The following GCC2 variants were observed in gnomAD, a reference collection of about 807,000 sequenced individuals.
The protein encoded by GCC2 is GRIP and coiled-coil domain-containing protein 2.
In GCC2, 120 loss-of-function variants were observed where a neutral mutation model predicts 210.6. The ratio of observed to expected loss-of-function variants is 0.57; its 90% CI spans 0.49 to 0.66. The LOEUF (loss-of-function observed/expected upper bound fraction) is 0.66. GCC2 is among the 30% of genes least tolerant of loss of function. The pLI, the probability that GCC2 is intolerant of heterozygous loss-of-function variation, is 0.00. For missense variants in GCC2, 1,868 were observed against 1,871.9 expected (o/e 1.00, Z 0.04); for synonymous variants, 703 against 652.7 (o/e 1.08, Z -1.17).
Position 108,507,628 on chromosome 2 carries a change from T to C in GCC2, c.5053T>C (p.Ter1685GlnextTer49). 2 of 1,575,028 alleles carry C rather than the reference T, an allele frequency of 1.3e-6. No individual in the cohort carries two copies. Among genetic ancestry groups the C allele is most frequent in the Non-Finnish European group, 8.7e-7 (1 of 1,150,258 alleles). ...TCTTCATAGTTGGTCTGGACTTCGA[T>C]AGGTTGATGGAAGGAATATTTTTAT... ...SYLHSWSGLR[*>Q] The change falls in exon 23 of 23, where the codon TAG becomes CAG. Residue 1685 changes from the stop codon to glutamine (Q), a stop_lost. Transcript: ENST00000309863.
At position 108,483,119 on chromosome 2, in the gene GCC2, A is replaced by C. The variant is rs1315251271; in HGVS notation, c.3403A>C (p.Lys1135Gln). The change falls in exon 12 of 23, where the codon AAG becomes CAG. Residue 1135 changes from lysine to glutamine, a missense_variant. Lys to Gln is a moderately conservative substitution (Grantham distance 53). Transcript: ENST00000309863. ...ACTTCAGGTACAACTTCAAAAGCAAAAGAAACAGCTTCAGAAAACCATGCA... is the reference window on the plus strand; with the variant it reads ...ACTTCAGGTACAACTTCAAAAGCAACAGAAACAGCTTCAGAAAACCATGCA... ...EELQVQLQKQ[K>Q]KQLQKTMQEL... 16 of 1,582,324 alleles carry C rather than the reference A, an allele frequency of 1.0e-5. No individual in the cohort carries two copies. Among genetic ancestry groups the C allele is most frequent in the Non-Finnish European group, 1.4e-5 (16 of 1,151,448 alleles).
At chr2:108,498,591 G>A (rs772969831) in intron 21 of GCC2, among the ~76,000 whole-genome samples, 9 of 152,044 alleles carry the variant, frequency 5.9e-5, no homozygotes, top group East Asian at 1.9e-4. Flanking sequence ...GACAAAGTTC[G>A]CTAACTTTCT....
chr2:108,488,916 T>C (rs1334949156), intron 17 of GCC2, among the ~76,000 whole-genome samples: 1 of 152,206 alleles, frequency 6.6e-6, no homozygotes, highest in Non-Finnish European at 1.5e-5. Flanking sequence ...AAAGGGGAAA[T>C]TAGATACTGA....
intron 21 of GCC2, among the ~76,000 whole-genome samples, chr2:108,498,680 C>G (rs1379040544): frequency 2.6e-5 from 4 of 151,626 alleles, no homozygotes; most frequent in African/African-American, 4.9e-5. Flanking sequence ...ACTTGAACAT[C>G]CTATTACCTT....
Position 108,452,483 on chromosome 2 carries a change from G to C in GCC2, c.216+17G>C. 1 of 1,411,034 alleles carries C rather than the reference G, an allele frequency of 7.1e-7. No individual in the cohort carries two copies. Among genetic ancestry groups the C allele is most frequent in the Non-Finnish European group, 1.0e-6 (1 of 997,642 alleles). 87.4% of individuals were successfully genotyped at this position (1,411,034 alleles called of 1,614,324 possible). On this transcript the variant is annotated intron_variant, in intron 4 of 22. Transcript: ENST00000309863. The stretch of plus-strand genomic sequence containing the variant: ...ATTATTAAGGTAATTATTACGTTGG[G>C]AAATGTCTAAAGAGAAATAAAATTT...
At chr2:108,483,012 CT>C in intron 11 of GCC2, 49 bp from the exon 12 acceptor site, 1 of 962,924 alleles carries the variant, frequency 1.0e-6, no homozygotes, top group Non-Finnish European at 1.7e-6. Context: ...TTAAAAATAC[CT>C]TTTTAATATT....
intron 9 of GCC2, among the ~76,000 whole-genome samples, chr2:108,478,011 A>T (rs1221168520): frequency 6.6e-6 from 1 of 152,144 alleles, no homozygotes; most frequent in Non-Finnish European, 1.5e-5. Context: ...GTACCACTGC[A>T]CCCCTACAAA....
Position 108,458,374 on chromosome 2 carries a change from C to CTTTTTT in GCC2, c.216+5923_216+5928dup, listed in dbSNP as rs70956257. On this transcript the variant is annotated intron_variant, in intron 4 of 22. Transcript: ENST00000309863. ...CATCAGGGATATTGGTTGTTGCTTT[C>CTTTTTT]TTTTTTTTTTTTTTTTTTTTGCTGT... Among the ~76,000 whole-genome samples, 507 of 100,154 alleles carry CTTTTTT rather than the reference C, an allele frequency of 5.1e-3. 3 individuals are homozygous for CTTTTTT. The highest frequency in any genetic ancestry group is 7.6e-3 in the African/African-American group (194 of 25,432). The allele number at this position is 100,154 out of a possible 152,430, so 65.7% of individuals were successfully genotyped here.
At chr2:108,504,053 A>G (rs1683062596) in intron 22 of GCC2, among the ~76,000 whole-genome samples, 1 of 152,212 alleles carries the variant, frequency 6.6e-6, no homozygotes, top group African/African-American at 2.4e-5. Flanking sequence ...GGCTGCAGTC[A>G]AACTTCTGGT....
At chr2:108,461,878 G>A (rs1424099382) in intron 4 of GCC2, among the ~76,000 whole-genome samples, 1 of 127,916 alleles carries the variant, frequency 7.8e-6, no homozygotes, top group Non-Finnish European at 1.6e-5. Context: ...CTTTCGCCCA[G>A]GCCGGACTGC....
intron 17 of GCC2, among the ~76,000 whole-genome samples, chr2:108,488,579 G>A (rs1682259187): frequency 6.6e-6 from 1 of 152,108 alleles, no homozygotes; most frequent in Non-Finnish European, 1.5e-5. Context: ...TTTAAATTTA[G>A]TACTGAATTT....
chr2:108,449,838 C>A, intron 2 of GCC2, 149 bp downstream of exon 2: 1 of 612,986 alleles, frequency 1.6e-6, no homozygotes, highest in Non-Finnish European at 2.9e-6. Flanking sequence ...CGCAATCGCC[C>A]ATTTCCTGTT....
rs1682675339 is a variant in GCC2 at position 108,496,985 on chromosome 2, A to G, written c.4658A>G (p.His1553Arg). ...PETKLEPPLW[H>R]AEFTKEELVQ... is the part of the protein sequence containing the mutation. ...CATGTTGCAGAGCCTCCATTATGGC[A>G]TGCTGAATTTACCAAAGAAGAATTG... Residue 1553 changes from histidine to arginine, a missense_variant, in exon 21 of 23, where the codon CAT becomes CGT. Transcript: ENST00000309863. 5.0e-6 allele frequency: 8 copies of G among 1,612,068 alleles called. No individual in the cohort carries two copies. Among genetic ancestry groups the G allele is most frequent in the Non-Finnish European group, 6.8e-6 (8 of 1,179,872 alleles).
intron 19 of GCC2, chr2:108,493,625 G>A: frequency 3.0e-6 from 3 of 985,396 alleles, no homozygotes; most frequent in African/African-American, 1.7e-5. Flanking sequence ...CTTCCAGGAA[G>A]ACATGGAAAA....
chr2:108,464,227 C>T (rs1370642214), intron 4 of GCC2, among the ~76,000 whole-genome samples: 3 of 152,082 alleles, frequency 2.0e-5, no homozygotes, highest in Admixed American at 2.0e-4. Flanking sequence ...ACCTGTGCGT[C>T]GGCCCACAGC....
chr2:108,487,900 A>ATTTTTTTTTTTTTTTTTTTTTTTTTTTT (rs1008834430), intron 17 of GCC2, 80 bp downstream of exon 17: 1 of 594,422 alleles, frequency 1.7e-6, no homozygotes. Context: ...TCCTATTATG[A>ATTTTTTTTTTTTTTTTTTTTTTTTTTTT]TTTTTTTTTT....
chr2:108,506,327 T>A (rs1683184152), intron 22 of GCC2, among the ~76,000 whole-genome samples: 1 of 152,230 alleles, frequency 6.6e-6, no homozygotes, highest in South Asian at 2.1e-4. Context: ...CATGGATAAT[T>A]CTCAAATGCC....
In GCC2 at chr2:108,502,234, A is replaced by G. The variant is rs200861701; in HGVS notation, c.4984+2480A>G. ...AAAATTAAAGTTTTCAATAGCTTTC[A>G]ATACAACAATGATATTATCTCAAAA... On this transcript the variant is annotated intron_variant, in intron 22 of 22. Coordinates refer to ENST00000309863, the MANE Select transcript of GCC2 (RefSeq NM_181453.4). Among the ~76,000 whole-genome samples, 7 of 152,322 alleles carry G rather than the reference A, an allele frequency of 4.6e-5. No individual in the cohort carries two copies. The East Asian group carries it at 9.7e-4, about 21-fold the overall frequency.
chr2:108,501,737 T>C (rs1453214462), intron 22 of GCC2, among the ~76,000 whole-genome samples: 1 of 152,210 alleles, frequency 6.6e-6, no homozygotes, highest in East Asian at 1.9e-4. Context: ...TAGCAATTTG[T>C]TGCTGATACT....
Sources: gnomAD v4.1 joint callset for allele counts (sites outside exome capture counted in the v4.1 genomes callset) on GRCh38, gnomAD v4.1.1 for gene constraint, MANE v1.5 for transcripts, NCBI Gene and HGNC (gene_info 2026-07-23, HGNC 2026-07-21) for gene names.